Variants in TOP1MT observed in about 807,000 individuals in gnomAD.
TOP1MT encodes DNA topoisomerase I, mitochondrial.
Under a neutral mutation model 73.9 loss-of-function variants are expected in TOP1MT, and 80 were observed. The observed-to-expected ratio is 1.08, with a 90% CI of 0.90 to 1.30. The LOEUF is 1.30. Among genes scored for constraint, TOP1MT ranks in the 50% most tolerant of loss-of-function variants. The pLI is 0.00. For synonymous variants in TOP1MT, 338 were observed against 326.4 expected (o/e 1.04, Z -0.38); for missense variants, 815 against 808.0 (o/e 1.01, Z -0.10).
In TOP1MT at chr8:143,325,363, C is replaced by G. The variant is rs1225257520; in HGVS notation, c.654G>C (p.Val218=). ...CCACGCACCTGCTGCAGTTGATAAC[C>G]ACATCCTCTGGCGTGATCCTTCTCT... ...MLKRRITPED[V]VINCSRDSKI... The change falls in exon 5 of 14, where the codon GTG becomes GTC. Residue 218 remains valine (V), a synonymous_variant. Coordinates refer to ENST00000329245, the MANE Select transcript of TOP1MT (RefSeq NM_052963.3). 1.3e-6 allele frequency: 2 copies of G among 1,595,266 alleles called. No homozygotes were observed. The highest frequency in any genetic ancestry group is 2.2e-5 in the South Asian group (2 of 90,728).
intron 8 of TOP1MT, among the ~76,000 whole-genome samples, chr8:143,320,560 C>A (rs1026771336): frequency 2.0e-5 from 3 of 152,214 alleles, no homozygotes; most frequent in African/African-American, 7.2e-5. Context: ...CACCACCATG[C>A]CTGGCCAGAA....
chr8:143,353,947 AAG>A (rs1817362416), intron 1 of TOP1MT, among the ~76,000 whole-genome samples: 1 of 141,222 alleles, frequency 7.1e-6, no homozygotes, highest in South Asian at 2.4e-4. Context: ...CTGGGCGACA[AAG>A]AGAGACTCCA....
At chr8:143,355,902 C>T (rs114822512) in intron 1 of TOP1MT, 1 of 152,270 alleles carries the variant, frequency 6.6e-6, no homozygotes, top group African/African-American at 2.4e-5. Flanking sequence ...CTCGCTCCCC[C>T]CATTCCCTCA....
intron 7 of TOP1MT, 27 bp downstream of exon 7, chr8:143,323,972 C>T (rs886382708): frequency 1.2e-6 from 2 of 1,608,952 alleles, no homozygotes; most frequent in Non-Finnish European, 8.5e-7. Flanking sequence ...GGATGAAGAG[C>T]CGCCAGGAAG....
upstream of TOP1MT, among the ~76,000 whole-genome samples, chr8:143,338,688 G>A (rs188422650): frequency 6.6e-6 from 1 of 152,372 alleles, no homozygotes; most frequent in African/African-American, 2.4e-5. Context: ...TCAGCCATGG[G>A]AGAAATGCAA....
At chr8:143,328,445 T>C in intron 3 of TOP1MT, 1 of 367,050 alleles carries the variant, frequency 2.7e-6, no homozygotes, top group South Asian at 2.0e-5. Flanking sequence ...CAAAAGATGC[T>C]TAATATCACT....
At position 143,341,210 on chromosome 8, in the gene TOP1MT, C is replaced by T. The variant is rs1407311583; in HGVS notation, c.29+2010G>A. Among the ~76,000 whole-genome samples, 10 of 152,158 alleles carry T rather than the reference C, an allele frequency of 6.6e-5. No homozygotes were observed. The highest frequency in any genetic ancestry group is 3.3e-4 in the Admixed American group (5 of 15,274). ...TGAAGCCCTTTCTCCCCTTTCTCTT[C>T]GGATATTCTTTTTTTTTTCTCAGTT... On this transcript the variant is annotated intron_variant, in intron 2 of 5. Coordinates refer to the TOP1MT transcript ENST00000518007. The surrounding 1 kb of genome is among the most constrained non-coding windows in gnomAD (Gnocchi z 4.1).
chr8:143,310,361 C>T (rs1815978255), intron 12 of TOP1MT, 144 bp from the exon 13 acceptor site: 3 of 617,560 alleles, frequency 4.9e-6, no homozygotes, highest in Non-Finnish European at 7.8e-6. Context: ...CAGCAAAAGA[C>T]CAGCCGGGAT....
At chr8:143,359,120 G>T, upstream of TOP1MT, 2 of 673,752 alleles carry the variant, frequency 3.0e-6, no homozygotes, top group Non-Finnish European at 3.7e-6. Context: ...GGGATTATAG[G>T]TGTGAGCCAC....
At chr8:143,353,983 A>AG (rs1817364237) in intron 1 of TOP1MT, among the ~76,000 whole-genome samples, 1 of 150,950 alleles carries the variant, frequency 6.6e-6, no homozygotes, top group Non-Finnish European at 1.5e-5. Flanking sequence ...AAAAAAAAAA[A>AG]AAAAAAGTCT....
Position 143,323,046 on chromosome 8 carries a change from GGCACGCCACACACAGGCACACCACACAC to G in TOP1MT, c.960+925_960+952del, listed in dbSNP as rs1357868971. ...CACACACACACATGCACGCCACACA[GGCACGCCACACACAGGCACACCACACAC>G]GCACGCCACACACAGGCATGCCAAA... On this transcript the variant is annotated intron_variant, in intron 7 of 13. Transcript: ENST00000329245. 5.1e-4 allele frequency among the ~76,000 whole-genome samples: 15 copies of G among 29,226 alleles called. No individual in the cohort carries two copies. The East Asian group carries it at 6.2e-3, about 12-fold the overall frequency. 19.2% of individuals were successfully genotyped at this position (29,226 alleles called of 152,430 possible).
In TOP1MT at chr8:143,309,400, AAC is replaced by A. The variant is rs768902975; in HGVS notation, c.*39_*40del. Reference sequence around the variant, plus strand: ...CCAGTACTGCTTTAATAGTGAAAAAAACACACACACATACAAAAGAAGTTTCA... The same window carrying A: ...CCAGTACTGCTTTAATAGTGAAAAAAACACACACATACAAAAGAAGTTTCA... On this transcript the variant is annotated 3_prime_UTR_variant, in exon 14 of 14. Coordinates refer to ENST00000329245, the MANE Select transcript of TOP1MT (RefSeq NM_052963.3). The A allele has an allele frequency of 1.1e-5, 18 of 1,596,102 alleles. No individual in the cohort carries two copies. The highest frequency in any genetic ancestry group is 4.5e-5 in the East Asian group (2 of 44,790).
Position 143,309,336 on chromosome 8 carries a change from T to G in TOP1MT, c.*105A>C. ...CCGGCCTGGGGACTTTTTCTAGTGA[T>G]GTACAAGCACTTGCACACATTTTAT... On this transcript the variant is annotated 3_prime_UTR_variant, in exon 14 of 14. Coordinates refer to ENST00000329245, the MANE Select transcript of TOP1MT (RefSeq NM_052963.3). 1 of 1,260,108 alleles carries G rather than the reference T, an allele frequency of 7.9e-7. No homozygotes were observed. Among genetic ancestry groups the G allele is most frequent in the Non-Finnish European group, 1.1e-6 (1 of 905,132 alleles). The allele number at this position is 1,260,108 out of a possible 1,614,324, so 78.1% of individuals were successfully genotyped here.
chr8:143,325,826 G>A (rs993815703), intron 4 of TOP1MT, among the ~76,000 whole-genome samples: 14 of 152,170 alleles, frequency 9.2e-5, no homozygotes, highest in Non-Finnish European at 1.3e-4. Flanking sequence ...GTGGCTGCCC[G>A]CCATGGAGGA....
intron 8 of TOP1MT, 31 bp from the exon 9 acceptor site, chr8:143,318,117 A>G (rs1481199879): frequency 1.9e-6 from 3 of 1,608,806 alleles, no homozygotes; most frequent in Non-Finnish European, 2.6e-6. Flanking sequence ...TTCAGAGGAC[A>G]GAAAAAACCC....
rs907695758 is a variant in TOP1MT, at chr8:143,324,119, A to C, written c.840T>G (p.Phe280Leu). Reference sequence around the variant, plus strand: ...ATCCCCGCAGGCGTCGAGCTGTTTCAAACTTCTGCCAAGCTGTCTCCCCCT... The same window carrying C: ...ATCCCCGCAGGCGTCGAGCTGTTTCCAACTTCTGCCAAGCTGTCTCCCCCT... Reference protein sequence around the residue: ...KLKGETAWQKFETARRLRGFV... With the variant: ...KLKGETAWQKLETARRLRGFV... The change falls in exon 7 of 14, where the codon TTT becomes TTG. Residue 280 changes from phenylalanine to leucine, a missense_variant. By Grantham distance (22) the Phe-to-Leu change is conservative. Coordinates refer to ENST00000329245, the MANE Select transcript of TOP1MT (RefSeq NM_052963.3). 1 of 1,613,770 alleles carries C rather than the reference A, an allele frequency of 6.2e-7. No homozygotes were observed. Among genetic ancestry groups the C allele is most frequent in the Non-Finnish European group, 8.5e-7 (1 of 1,180,008 alleles).
At chr8:143,325,582 C>T (rs1479627371) in intron 4 of TOP1MT, 49 bp from the exon 5 acceptor site, 10 of 1,556,600 alleles carry the variant, frequency 6.4e-6, no homozygotes, top group African/African-American at 2.7e-5. Context: ...GAGAAGAGAA[C>T]AGGCCTCAGT....
chr8:143,327,613 A>G, intron 3 of TOP1MT: 1 of 208,498 alleles, frequency 4.8e-6, no homozygotes, highest in Non-Finnish European at 1.0e-5. Flanking sequence ...CGGATGTGCC[A>G]CCCACTCCTG....
chr8:143,353,850 G>A (rs1315136610), intron 1 of TOP1MT, among the ~76,000 whole-genome samples: 1 of 150,256 alleles, frequency 6.7e-6, no homozygotes, highest in African/African-American at 2.5e-5. Flanking sequence ...TGTAATCCCA[G>A]CTACTCGGGA....
Sources: allele counts gnomAD v4.1 joint callset (sites outside exome capture counted in the v4.1 genomes callset), GRCh38; gene constraint gnomAD v4.1.1; non-coding constraint Gnocchi (gnomAD v3.1); transcripts MANE v1.5; gene names NCBI Gene and HGNC (gene_info 2026-07-23, HGNC 2026-07-21).